The following CACNA1H variants were observed in gnomAD, a reference collection of about 807,000 sequenced individuals.
The protein encoded by CACNA1H is calcium voltage-gated channel subunit alpha1 H, also known as voltage-dependent T-type calcium channel subunit alpha-1H.
CACNA1H carries 149 observed loss-of-function variants against 192.5 expected under a neutral mutation model. The observed-to-expected ratio is 0.77, with a 90% CI of 0.68 to 0.89. The LOEUF (loss-of-function observed/expected upper bound fraction) is 0.89. CACNA1H is among the 40% of genes least tolerant of loss of function. The pLI, the probability that CACNA1H is intolerant of heterozygous loss-of-function variation, is 0.00. For missense variants in CACNA1H, 4,257 were observed against 3,423.5 expected, an observed-to-expected ratio of 1.24 and a Z score of -6.08; for synonymous variants, 2,202 against 1,475.2, an observed-to-expected ratio of 1.49 and a Z score of -11.29.
intron 4 of CACNA1H, 99 bp downstream of exon 4, chr16:1,195,664 G>A: frequency 1.5e-6 from 2 of 1,360,334 alleles, no homozygotes; most frequent in Non-Finnish European, 1.0e-6. Context: ...TGGGAGGTGT[G>A]TTCTAGAGGG....
Position 1,207,341 on chromosome 16 carries a change from G to A in CACNA1H, c.2974G>A (p.Ala992Thr), listed in dbSNP as rs747456576. The A allele has an allele frequency of 8.1e-6, 13 of 1,611,956 alleles. No homozygotes were observed. Among genetic ancestry groups the A allele is most frequent in the Admixed American group, 3.3e-5 (2 of 59,842 alleles). Residue 992 changes from alanine (A) to threonine (T), a missense_variant, in exon 14 of 35, where the codon GCC becomes ACC. Coordinates refer to ENST00000348261, the MANE Select transcript of CACNA1H (RefSeq NM_021098.3). Reference sequence around the variant, plus strand: ...CATGGCCTCCACCTCCTCCTGGGCCGCCCTCTACTTCGTGGCCCTCATGAC... The same window carrying A: ...CATGGCCTCCACCTCCTCCTGGGCCACCCTCTACTTCGTGGCCCTCATGAC... ...NGMASTSSWAALYFVALMTFG... is the reference protein window; with the variant it reads ...NGMASTSSWATLYFVALMTFG...
Position 1,204,184 on chromosome 16 carries a change from G to C in CACNA1H, c.2177G>C (p.Gly726Ala). 6.2e-7 allele frequency: 1 copy of C among 1,612,370 alleles called. No homozygotes were observed. Among genetic ancestry groups the C allele is most frequent in the South Asian group, 1.1e-5 (1 of 91,054 alleles). ...GAAAGTGGAGACTCAGATGGCCGTG[G>C]CGTCTATGAATTCACGCAGGACGTC... ...GSESGDSDGR[G>A]VYEFTQDVRH... The change falls in exon 10 of 35, where the codon GGC becomes GCC. Residue 726 changes from glycine to alanine, a missense_variant. By Grantham distance (60) the Gly-to-Ala change is moderately conservative. Transcript: ENST00000348261.
At chr16:1,189,797 G>C (rs1037504294) in intron 2 of CACNA1H, among the ~76,000 whole-genome samples, 2 of 152,052 alleles carry the variant, frequency 1.3e-5, no homozygotes, top group Non-Finnish European at 2.9e-5. Flanking sequence ...TCAACAGACA[G>C]GGCCCCACCA....
At chr16:1,198,551 G>T in intron 5 of CACNA1H, 64 bp from the exon 6 acceptor site, 3 of 1,574,746 alleles carry the variant, frequency 1.9e-6, no homozygotes, top group South Asian at 1.1e-5. Context: ...CCCGGGAGGG[G>T]CTGCAGCCCC....
Position 1,220,272 on chromosome 16 carries a change from A to G in CACNA1H, c.6340A>G (p.Thr2114Ala), listed in dbSNP as rs1025586071. 25 of 1,586,950 alleles carry G rather than the reference A, an allele frequency of 1.6e-5. No individual in the cohort carries two copies. Among genetic ancestry groups the G allele is most frequent in the Middle Eastern group, 3.3e-4 (2 of 6,008 alleles). The change falls in exon 35 of 35, where the codon ACA (threonine) becomes GCA (alanine). Residue 2114 changes from threonine (T) to alanine (A), a missense_variant. Physicochemically the swap from Thr to Ala is moderately conservative, Grantham distance 58. Coordinates refer to ENST00000348261, the MANE Select transcript of CACNA1H (RefSeq NM_021098.3). ...ITSSACPWQP[T>A]AEPHGPEASP... ...CAGCTCCGCCTGCCCCTGGCAGCCC[A>G]CAGCCGAGCCCCATGGCCCCGAAGC...
chr16:1,195,963 C>G lies in CACNA1H; in HGVS notation c.583C>G (p.Leu195Val), dbSNP rs777592378. The G allele has an allele frequency of 8.7e-6, 14 of 1,613,178 alleles. No individual in the cohort carries two copies. Among genetic ancestry groups the G allele is most frequent in the Non-Finnish European group, 1.1e-5 (13 of 1,179,854 alleles). ...EYSLDGHNVS[L>V]SAIRTVRVLR... ...CTCGTTGGACGGACACAACGTGAGCCTCTCGGCTATCAGGACCGTGCGGGT... is the reference window on the plus strand; with the variant it reads ...CTCGTTGGACGGACACAACGTGAGCGTCTCGGCTATCAGGACCGTGCGGGT... Residue 195 changes from leucine (L) to valine (V), a missense_variant, in exon 5 of 35, where the codon CTC (leucine) becomes GTC (valine). Coordinates refer to ENST00000348261, the MANE Select transcript of CACNA1H (RefSeq NM_021098.3).
intron 2 of CACNA1H, among the ~76,000 whole-genome samples, chr16:1,176,947 G>T (rs1964947804): frequency 1.3e-5 from 2 of 152,174 alleles, no homozygotes; most frequent in Admixed American, 1.3e-4. Flanking sequence ...GGTGGCCTGG[G>T]TTTGGCTTAG....
intron 7 of CACNA1H, 36 bp from the exon 8 acceptor site, chr16:1,200,680 G>A (rs777317154): frequency 3.2e-5 from 50 of 1,567,762 alleles, no homozygotes; most frequent in Non-Finnish European, 3.7e-5. Context: ...AGGAGGAGGG[G>A]TCGTGCGGGC....
At chr16:1,217,656 C>CACAG (rs1970140474) in intron 31 of CACNA1H, among the ~76,000 whole-genome samples, 1 of 152,166 alleles carries the variant, frequency 6.6e-6, no homozygotes, top group Non-Finnish European at 1.5e-5. Context: ...CACAGACACA[C>CACAG]ACAATAATGA....
At position 1,154,017 on chromosome 16, in the gene CACNA1H, C is replaced by G. The variant is rs753718656; in HGVS notation, c.280C>G (p.Leu94Val). The G allele has an allele frequency of 1.4e-5, 19 of 1,406,748 alleles. No homozygotes were observed. The South Asian group carries it at 2.6e-4, about 19-fold the overall frequency. The allele number at this position is 1,406,748 out of a possible 1,614,324, so 87.1% of individuals were successfully genotyped here. Residue 94 changes from leucine to valine, a missense_variant, in exon 2 of 35, where the codon CTC becomes GTC. Transcript: ENST00000348261. ...GACCACGCGGCCGCGCAGCTGGTGC[C>G]TCCGGCTGGTCTGCAACCCATATCC... Reference protein sequence around the residue: ...GQTTRPRSWCLRLVCNPWFEH... With the variant: ...GQTTRPRSWCVRLVCNPWFEH...
In CACNA1H at chr16:1,154,049, GCCGGC is replaced by G; in HGVS notation, c.299+14_299+18del. 4 of 1,058,354 alleles carry G rather than the reference GCCGGC, an allele frequency of 3.8e-6. No individual in the cohort carries two copies. The African/African-American group carries it at 7.1e-5, about 19-fold the overall frequency. The allele number at this position is 1,058,354 out of a possible 1,614,324, so 65.6% of individuals were successfully genotyped here. ...TGGTCTGCAACCCATATCCTTCCCG[GCCGGC>G]GGGGGGCGGGGGGCGGGGGGCGTGG... On this transcript the variant is annotated intron_variant, in intron 2 of 34. Transcript: ENST00000348261.
chr16:1,205,943 C>T (rs533787019), intron 11 of CACNA1H, among the ~76,000 whole-genome samples, 161 bp from the exon 12 acceptor site: 30 of 152,328 alleles, frequency 2.0e-4, no homozygotes, highest in Admixed American at 8.5e-4. Flanking sequence ...GAGGTGCTTC[C>T]GCAGCTGTTC....
chr16:1,194,919 C>T, intron 2 of CACNA1H, 53 bp from the exon 3 acceptor site: 2 of 1,352,808 alleles, frequency 1.5e-6, no homozygotes, highest in Non-Finnish European at 2.1e-6. Flanking sequence ...TGGAGGGCCC[C>T]ATGGGAGCGG....
intron 2 of CACNA1H, among the ~76,000 whole-genome samples, chr16:1,184,610 G>A (rs1018360765): frequency 6.6e-6 from 1 of 152,252 alleles, no homozygotes; most frequent in African/African-American, 2.4e-5. Context: ...CAGGTCTCAA[G>A]GGGCTGGAGG....
chr16:1,214,657 C>T (rs543776762), intron 27 of CACNA1H, among the ~76,000 whole-genome samples: 49 of 152,296 alleles, frequency 3.2e-4, no homozygotes, highest in African/African-American at 1.2e-3. Context: ...CATCGGGGTG[C>T]ACAGACGGCT....
At chr16:1,185,576 A>C (rs1965916576) in intron 2 of CACNA1H, among the ~76,000 whole-genome samples, 1 of 8,616 alleles carries the variant, frequency 1.2e-4, no homozygotes, top group Non-Finnish European at 1.1e-3. Context: ...ACGGGGGTCC[A>C]TGGCGGGTGA....
At chr16:1,157,675 T>G (rs1190030086) in intron 2 of CACNA1H, 2 of 152,282 alleles carry the variant, frequency 1.3e-5, no homozygotes, top group East Asian at 3.9e-4. Context: ...TCTTGAACAC[T>G]TTGTCTTAGC....
chr16:1,176,777 G>A (rs1191429930), intron 2 of CACNA1H, among the ~76,000 whole-genome samples: 1 of 152,184 alleles, frequency 6.6e-6, no homozygotes, highest in African/African-American at 2.4e-5. Flanking sequence ...TGGGAGGGGA[G>A]CGGGGCCGCC....
At chr16:1,164,297 A>T (rs940268244) in intron 2 of CACNA1H, among the ~76,000 whole-genome samples, 3 of 152,264 alleles carry the variant, frequency 2.0e-5, no homozygotes, top group African/African-American at 7.2e-5. Context: ...GAATACCCGA[A>T]GCCTCAGATC....
Sources: allele counts gnomAD v4.1 joint callset (sites outside exome capture counted in the v4.1 genomes callset), GRCh38; gene constraint gnomAD v4.1.1; transcripts MANE v1.5; gene names NCBI Gene and HGNC (gene_info 2026-07-23, HGNC 2026-07-21).